The following DPM2 variants were observed in gnomAD, a reference collection of about 807,000 sequenced individuals.
DPM2 encodes the protein dolichol phosphate-mannose biosynthesis regulatory protein.
A neutral mutation model predicts 12.1 loss-of-function variants in DPM2; 8 were observed. The ratio of observed to expected loss-of-function variants is 0.66; its 90% CI spans 0.39 to 1.19. DPM2 has a LOEUF of 1.19. Ranked by LOEUF, DPM2 falls within the 50% of genes most tolerant of loss-of-function variation. DPM2 has a pLI of 0.01. For missense variants in DPM2, 93 were observed against 102.5 expected, an observed-to-expected ratio of 0.91 and a Z score of 0.40; for synonymous variants, 38 against 44.7, an observed-to-expected ratio of 0.85 and a Z score of 0.60.
Position 127,937,429 on chromosome 9 carries a change from C to T in DPM2, c.93+5G>A, listed in dbSNP as rs201368943. On this transcript the variant is annotated splice_donor_5th_base_variant and intron_variant, in intron 2 of 3. Coordinates refer to ENST00000314392, the MANE Select transcript of DPM2 (RefSeq NM_003863.4). ...GGTGAGCAGCGGACGGGGAGAATGA[C>T]ATACCAAGAGAATCACCCAGGCGGT... 6.2e-7 allele frequency: 1 copy of T among 1,610,820 alleles called. No individual in the cohort carries two copies. The highest frequency in any genetic ancestry group is 1.7e-5 in the Admixed American group (1 of 59,634).
At position 127,936,669 on chromosome 9, in the gene DPM2, A is replaced by T; in HGVS notation, c.94-14T>A. The T allele has an allele frequency of 1.3e-6, 2 of 1,492,748 alleles. No individual in the cohort carries two copies. The highest frequency in any genetic ancestry group is 1.8e-6 in the Non-Finnish European group (2 of 1,121,990). The allele number at this position is 1,492,748 out of a possible 1,614,324, so 92.5% of individuals were successfully genotyped here. ...GTCGATGAATGGCTGGCATCGAGGG[A>T]AGAGCTCTGGTGTGTCTTGCTTGCC... On this transcript the variant is annotated splice_polypyrimidine_tract_variant and intron_variant, in intron 2 of 3. Coordinates refer to ENST00000314392, the MANE Select transcript of DPM2 (RefSeq NM_003863.4).
intron 3 of DPM2, 142 bp from the exon 4 acceptor site, chr9:127,935,922 G>A (rs1203528292): frequency 1.4e-6 from 1 of 736,274 alleles, no homozygotes; most frequent in East Asian, 2.7e-5. Context: ...TATCTCCCTA[G>A]TCATTCGTCA....
chr9:127,937,689 G>A lies in DPM2; in HGVS notation c.3+129C>T, dbSNP rs1831531565. The stretch of plus-strand genomic sequence containing the variant: ...CTGGGAGAGAATGCTAGGCCTCCGC[G>A]TTGTCGTCCGTACAATAGTGGGGGC... On this transcript the variant is annotated intron_variant, in intron 1 of 3. Transcript: ENST00000314392. 4.5e-6 allele frequency: 6 copies of A among 1,329,536 alleles called. No individual in the cohort carries two copies. The South Asian group carries it at 7.1e-5, about 16-fold the overall frequency. 82.4% of individuals were successfully genotyped at this position (1,329,536 alleles called of 1,614,324 possible). A position where few individuals can be genotyped will look rare whatever the true frequency, so the allele number is the denominator to read the frequency against.
chr9:127,935,503 C>T lies in DPM2; in HGVS notation c.*219G>A, dbSNP rs935700038. 12 of 597,870 alleles carry T rather than the reference C, an allele frequency of 2.0e-5. No individual in the cohort carries two copies. The highest frequency in any genetic ancestry group is 3.0e-5 in the Non-Finnish European group (10 of 336,578). The allele number at this position is 597,870 out of a possible 1,614,324, so 37.0% of individuals were successfully genotyped here. ...AGGCCCTGAGCAAGAAGGAGGTGAC[C>T]GGAGTCTTCCAGGTATCCCTCCCTC... On this transcript the variant is annotated 3_prime_UTR_variant, in exon 4 of 4. Coordinates refer to ENST00000314392, the MANE Select transcript of DPM2 (RefSeq NM_003863.4).
chr9:127,935,678 G>C lies in DPM2; in HGVS notation c.*44C>G. ...TCCCCCACTTGGTCCCTGTGCTGGA[G>C]GGGAAGCAGAGAAGGGGCTGGCAGC... On this transcript the variant is annotated 3_prime_UTR_variant, in exon 4 of 4. Coordinates refer to ENST00000314392, the MANE Select transcript of DPM2 (RefSeq NM_003863.4). 1 of 1,607,364 alleles carries C rather than the reference G, an allele frequency of 6.2e-7. No homozygotes were observed.
chr9:127,935,818 A>T, intron 3 of DPM2, 38 bp from the exon 4 acceptor site: 1 of 1,606,656 alleles, frequency 6.2e-7, no homozygotes. Context: ...ATAAGATCTA[A>T]GCTCAGGGCT....
Position 127,935,639 on chromosome 9 carries a change from C to G in DPM2, c.*83G>C. ...GGCTTGAGGAGCCACTGTGCCTGGA[C>G]AGGTTCTGCAGGCTCCCCCACTTGG... On this transcript the variant is annotated 3_prime_UTR_variant, in exon 4 of 4. Coordinates refer to ENST00000314392, the MANE Select transcript of DPM2 (RefSeq NM_003863.4). 6.9e-7 allele frequency: 1 copy of G among 1,444,260 alleles called. No homozygotes were observed. 89.5% of individuals were successfully genotyped at this position (1,444,260 alleles called of 1,614,324 possible).
At chr9:127,937,789 CT>C (rs779801276) in intron 1 of DPM2, 28 bp downstream of exon 1, 1 of 1,611,558 alleles carries the variant, frequency 6.2e-7, no homozygotes, top group South Asian at 1.1e-5. Context: ...CCAGACGCCC[CT>C]ATCTCCGGCA....
Position 127,935,679 on chromosome 9 carries a change from G to A in DPM2, c.*43C>T, listed in dbSNP as rs953468134. The stretch of plus-strand genomic sequence containing the variant: ...CCCCCACTTGGTCCCTGTGCTGGAG[G>A]GGAAGCAGAGAAGGGGCTGGCAGCC... On this transcript the variant is annotated 3_prime_UTR_variant, in exon 4 of 4. Coordinates refer to ENST00000314392, the MANE Select transcript of DPM2 (RefSeq NM_003863.4). 6.2e-7 allele frequency: 1 copy of A among 1,607,700 alleles called. No homozygotes were observed.
At chr9:127,936,326 TG>T (rs1831503990) in intron 3 of DPM2, 6 of 1,477,266 alleles carry the variant, frequency 4.1e-6, no homozygotes, top group Non-Finnish European at 5.4e-6. Flanking sequence ...AGAGTGATGA[TG>T]GGGTTGGGGC....
At chr9:127,935,997 T>C (rs1831498628) in intron 3 of DPM2, 1 of 602,274 alleles carries the variant, frequency 1.7e-6, no homozygotes, top group Non-Finnish European at 2.9e-6. Context: ...AGCAAGATGC[T>C]GCATTTAGTG....
chr9:127,937,787 C>G (rs750814877), intron 1 of DPM2, 31 bp downstream of exon 1: 3 of 1,611,732 alleles, frequency 1.9e-6, no homozygotes, highest in Non-Finnish European at 2.5e-6. Context: ...CCCCAGACGC[C>G]CCTATCTCCG....
chr9:127,936,508 T>C (rs1022910366), intron 3 of DPM2, 45 bp downstream of exon 3: 2 of 1,604,564 alleles, frequency 1.2e-6, no homozygotes, highest in Middle Eastern at 1.7e-4. Context: ...GGTGGGGTCT[T>C]CCCGAAACCC....
At chr9:127,936,112 C>T in intron 3 of DPM2, 1 of 637,210 alleles carries the variant, frequency 1.6e-6, no homozygotes, top group Non-Finnish European at 2.6e-6. Flanking sequence ...ACCTCACCCA[C>T]CCACCCATCC....
Position 127,937,462 on chromosome 9 carries a change from G to C in DPM2, c.65C>G (p.Thr22Ser), listed in dbSNP as rs764215944. ...GAGAATCACCCAGGCGGTGTAGTAG[G>C]TGAAGATGATCAGGCTAACGGCGAC... ...GLVAVSLIIF[T>S]YYTAWVILLP... is the part of the protein sequence containing the mutation. The change falls in exon 2 of 4, where the codon ACC becomes AGC. Residue 22 changes from threonine (T) to serine (S), a missense_variant. By Grantham distance (58) the Thr-to-Ser change is moderately conservative (BLOSUM62 1). Coordinates refer to ENST00000314392, the MANE Select transcript of DPM2 (RefSeq NM_003863.4). 1 of 1,613,860 alleles carries C rather than the reference G, an allele frequency of 6.2e-7. No individual in the cohort carries two copies. The highest frequency in any genetic ancestry group is 1.7e-5 in the Admixed American group (1 of 59,968).
At chr9:127,937,345 C>G in intron 2 of DPM2, 89 bp downstream of exon 2, 2 of 1,004,246 alleles carry the variant, frequency 2.0e-6, no homozygotes, top group Non-Finnish European at 3.0e-6. Flanking sequence ...GGCAATGAAG[C>G]CAGCGCCGTG....
chr9:127,937,853 C>T lies in DPM2; in HGVS notation c.-33G>A. On this transcript the variant is annotated 5_prime_UTR_variant, in exon 1 of 4. Coordinates refer to ENST00000314392, the MANE Select transcript of DPM2 (RefSeq NM_003863.4). ...CGCGCTCAGCCACCCGAGCCGCAAG[C>T]CACATCCGGTTCCGGGTCCACGCTC... 1.9e-6 allele frequency: 3 copies of T among 1,607,442 alleles called. No homozygotes were observed. Among genetic ancestry groups the T allele is most frequent in the Non-Finnish European group, 2.5e-6 (3 of 1,176,818 alleles).
In DPM2 at chr9:127,937,415, G is replaced by T; in HGVS notation, c.93+19C>A. On this transcript the variant is annotated intron_variant, in intron 2 of 3. Coordinates refer to ENST00000314392, the MANE Select transcript of DPM2 (RefSeq NM_003863.4). ...CAGGGCTCGGGGAAGGTGAGCAGCGGACGGGGAGAATGACATACCAAGAGA... is the reference window on the plus strand; with the variant it reads ...CAGGGCTCGGGGAAGGTGAGCAGCGTACGGGGAGAATGACATACCAAGAGA... The T allele has an allele frequency of 6.2e-7, 1 of 1,601,780 alleles. No homozygotes were observed. Among genetic ancestry groups the T allele is most frequent in the Non-Finnish European group, 8.5e-7 (1 of 1,170,560 alleles).
intron 2 of DPM2, chr9:127,937,228 C>A (rs1831521572): frequency 6.3e-6 from 3 of 476,896 alleles, no homozygotes; most frequent in Non-Finnish European, 1.1e-5. Flanking sequence ...AGGATGCAAT[C>A]TTGGGCCAGA....
Sources: gnomAD v4.1 joint callset for allele counts on GRCh38, gnomAD v4.1.1 for gene constraint, MANE v1.5 for transcripts, NCBI Gene and HGNC (gene_info 2026-07-23, HGNC 2026-07-21) for gene names.